The following GRID2 variants were observed in gnomAD, a reference collection of about 807,000 sequenced individuals.
The protein encoded by GRID2 is glutamate receptor ionotropic, delta-2.
Under a neutral mutation model 114.8 loss-of-function variants are expected in GRID2, and 33 were observed. That is an observed-to-expected ratio of 0.29 (90% CI 0.22 to 0.38). The LOEUF is 0.38. GRID2 is among the 10% of genes least tolerant of loss of function. GRID2 has a pLI of 1.00. For synonymous variants in GRID2, 505 were observed against 449.9 expected (o/e 1.12, Z -1.55); for missense variants, 1,184 against 1,257.7 (o/e 0.94, Z 0.89).
intron 1 of GRID2, among the ~76,000 whole-genome samples, chr4:92,439,579 G>A (rs957294871): frequency 8.0e-5 from 12 of 149,620 alleles, no homozygotes; most frequent in African/African-American, 2.9e-4. Context: ...AAGCTGAAGG[G>A]AGGTCTTGTG....
chr4:92,835,424 G>A (rs1269790400), intron 2 of GRID2, among the ~76,000 whole-genome samples: 6 of 152,088 alleles, frequency 3.9e-5, no homozygotes, highest in Non-Finnish European at 8.8e-5. Context: ...GTTTATAATT[G>A]TTTATATTAT....
At chr4:93,425,013 G>T (rs527424845) in intron 10 of GRID2, among the ~76,000 whole-genome samples, 1 of 151,836 alleles carries the variant, frequency 6.6e-6, no homozygotes, top group South Asian at 2.1e-4. Flanking sequence ...TCAATTTTTT[G>T]AAATAATTTT....
chr4:93,079,453 G>A (rs143188489), intron 2 of GRID2, among the ~76,000 whole-genome samples: 58 of 151,458 alleles, frequency 3.8e-4, no homozygotes, highest in African/African-American at 1.4e-3. Flanking sequence ...TGTAATAAGG[G>A]AGAGTTAAAA....
At position 93,664,167 on chromosome 4, in the gene GRID2, C is replaced by A. The variant is rs537348930; in HGVS notation, c.2360+37732C>A. The stretch of plus-strand genomic sequence containing the variant: ...CAGTGCAAAGGCCCTGAGGTAGAAG[C>A]ACGATTTCATACTCAAGGAACAGTA... On this transcript the variant is annotated intron_variant, in intron 14 of 15. Coordinates refer to ENST00000282020, the MANE Select transcript of GRID2 (RefSeq NM_001510.4). Among the ~76,000 whole-genome samples the A allele has an allele frequency of 1.6e-3, 249 of 152,282 alleles. 1 individual carries two copies. The highest frequency in any genetic ancestry group is 3.1e-3 in the Non-Finnish European group (212 of 68,028).
chr4:93,736,861 CAAAA>C (rs11437016), intron 14 of GRID2, among the ~76,000 whole-genome samples: 2 of 122,336 alleles, frequency 1.6e-5, no homozygotes, highest in Non-Finnish European at 1.7e-5. Flanking sequence ...CAGACTTGCT[CAAAA>C]AAAAAAAAAA....
At chr4:92,766,397 CATG>C (rs932723079) in intron 2 of GRID2, among the ~76,000 whole-genome samples, 2 of 151,870 alleles carry the variant, frequency 1.3e-5, no homozygotes, top group African/African-American at 4.8e-5. Flanking sequence ...ATTAGCCAGG[CATG>C]GTGGTGGGCG....
chr4:93,153,811 C>T (rs1736936227), intron 4 of GRID2, among the ~76,000 whole-genome samples: 2 of 151,990 alleles, frequency 1.3e-5, no homozygotes, highest in African/African-American at 2.4e-5. Context: ...TTTAGTTCTC[C>T]TAAGATTCTT....
chr4:92,679,071 A>C (rs1733522455), intron 2 of GRID2, among the ~76,000 whole-genome samples: 1 of 151,740 alleles, frequency 6.6e-6, no homozygotes, highest in African/African-American at 2.4e-5. Flanking sequence ...GATCAGTTTT[A>C]AATGTAGCTT....
chr4:93,574,932 G>A (rs1217972576), intron 13 of GRID2, among the ~76,000 whole-genome samples: 1 of 152,132 alleles, frequency 6.6e-6, no homozygotes, highest in Non-Finnish European at 1.5e-5. Flanking sequence ...TGGTGTCCAA[G>A]GATGGCTTCT....
chr4:92,776,708 T>A (rs947350632), intron 2 of GRID2, among the ~76,000 whole-genome samples: 3 of 152,106 alleles, frequency 2.0e-5, no homozygotes, highest in African/African-American at 7.2e-5. Flanking sequence ...TCTCTCTACT[T>A]CTATAGGAAT....
chr4:93,744,051 CA>C, intron 14 of GRID2, among the ~76,000 whole-genome samples: 1 of 152,324 alleles, frequency 6.6e-6, no homozygotes, highest in South Asian at 2.1e-4. Flanking sequence ...GGTGACAGCA[CA>C]TCTGTTTATA....
intron 9 of GRID2, among the ~76,000 whole-genome samples, chr4:93,404,137 A>C (rs1165555424): frequency 3.3e-5 from 5 of 152,182 alleles, no homozygotes; most frequent in Non-Finnish European, 7.3e-5. Flanking sequence ...ATCATGTATT[A>C]TATGAATTCA....
At chr4:93,664,706 G>T (rs1723801388) in intron 14 of GRID2, among the ~76,000 whole-genome samples, 1 of 152,134 alleles carries the variant, frequency 6.6e-6, no homozygotes, top group African/African-American at 2.4e-5. Flanking sequence ...AAGCTGTGGA[G>T]TATACATAAT....
chr4:92,894,140 A>G (rs1746987425), intron 2 of GRID2, among the ~76,000 whole-genome samples: 1 of 152,170 alleles, frequency 6.6e-6, no homozygotes, highest in Admixed American at 6.5e-5. Context: ...CATACATTAT[A>G]TTTTTGTCCA....
chr4:92,535,852 C>G (rs1260628183), intron 1 of GRID2, among the ~76,000 whole-genome samples: 2 of 152,084 alleles, frequency 1.3e-5, no homozygotes, highest in Non-Finnish European at 2.9e-5. Flanking sequence ...TTGCTCACTT[C>G]AGCAGTGAAG....
At chr4:92,432,239 C>T (rs1352145409) in intron 1 of GRID2, among the ~76,000 whole-genome samples, 1 of 152,140 alleles carries the variant, frequency 6.6e-6, no homozygotes, top group Non-Finnish European at 1.5e-5. Flanking sequence ...ATGGCGACCA[C>T]TGCCTGGCTA....
intron 2 of GRID2, among the ~76,000 whole-genome samples, chr4:92,985,955 C>T (rs185141646): frequency 5.9e-5 from 9 of 152,252 alleles, no homozygotes; most frequent in South Asian, 2.1e-4. Flanking sequence ...CTCAATTCAC[C>T]GTCTGCTTAA....
At chr4:93,381,817 G>T (rs766239053) in intron 8 of GRID2, among the ~76,000 whole-genome samples, 5 of 151,942 alleles carry the variant, frequency 3.3e-5, no homozygotes, top group Non-Finnish European at 7.4e-5. Context: ...TTTTATAATT[G>T]TCCATATACT....
chr4:92,740,690 T>TGATA lies in GRID2; in HGVS notation c.244+150452_244+150455dup, dbSNP rs71579576. Among the ~76,000 whole-genome samples, 736 of 121,292 alleles carry TGATA rather than the reference T, an allele frequency of 6.1e-3. 5 individuals are homozygous for TGATA. The highest frequency in any genetic ancestry group is 9.2e-3 in the South Asian group (31 of 3,354). The allele number at this position is 121,292 out of a possible 152,430, so 79.6% of individuals were successfully genotyped here. On this transcript the variant is annotated intron_variant, in intron 2 of 15. Transcript: ENST00000282020. ...TATTCTGCATAGATAGATAGATAGA[T>TGATA]GATAGATAGATAGATAGATAGATAG...
Sources: allele counts gnomAD v4.1 joint callset (sites outside exome capture counted in the v4.1 genomes callset), GRCh38; gene constraint gnomAD v4.1.1; transcripts MANE v1.5; gene names NCBI Gene and HGNC (gene_info 2026-07-23, HGNC 2026-07-21).